Variants in MECOM observed in about 807,000 individuals in gnomAD.
The protein encoded by MECOM is MDS1 and EVI1 complex locus.
A neutral mutation model predicts 116.3 loss-of-function variants in MECOM; 13 were observed. That is an observed-to-expected ratio of 0.11 (90% CI 0.07 to 0.18). The LOEUF (loss-of-function observed/expected upper bound fraction) is 0.18, where lower values mean the gene tolerates loss of function less well. MECOM is among the 10% of genes least tolerant of loss of function. The pLI is 1.00. For missense variants in MECOM, 1,299 were observed against 1,509.0 expected (o/e 0.86, Z 2.31); for synonymous variants, 528 against 535.2 (o/e 0.99, Z 0.19).
chr3:169,092,077 G>A (rs1447531024), intron 14 of MECOM, among the ~76,000 whole-genome samples: 1 of 152,004 alleles, frequency 6.6e-6, no homozygotes, highest in Non-Finnish European at 1.5e-5. Flanking sequence ...AGTAGTTTTG[G>A]TGAAATAGTG....
At chr3:169,585,321 G>T (rs937463320) in intron 1 of MECOM, among the ~76,000 whole-genome samples, 1 of 152,150 alleles carries the variant, frequency 6.6e-6, no homozygotes, top group Non-Finnish European at 1.5e-5. Context: ...CTGAATCGAA[G>T]ATTTAAGGAT....
chr3:169,120,967 A>G (rs1730837017), intron 7 of MECOM, 89 bp downstream of exon 7: 4 of 1,399,864 alleles, frequency 2.9e-6, no homozygotes, highest in Non-Finnish European at 3.9e-6. Flanking sequence ...GTGACCCTCT[A>G]AAGGCCATGT....
intron 10 of MECOM, among the ~76,000 whole-genome samples, chr3:169,107,241 C>T (rs1725733532): frequency 6.6e-6 from 1 of 151,990 alleles, no homozygotes; most frequent in Admixed American, 6.6e-5. Context: ...TTCCACTGAC[C>T]AGGTTTTATT....
chr3:169,118,394 G>A (rs1729872081), intron 7 of MECOM, among the ~76,000 whole-genome samples: 1 of 151,914 alleles, frequency 6.6e-6, no homozygotes, highest in African/African-American at 2.4e-5. Context: ...AGAATATATC[G>A]ACCAGAGTCA....
chr3:169,180,541 C>T (rs535572497), intron 2 of MECOM, among the ~76,000 whole-genome samples: 1 of 152,030 alleles, frequency 6.6e-6, no homozygotes, highest in East Asian at 1.9e-4. Context: ...TGGCCCTTTC[C>T]TTGATCACCT....
At chr3:169,653,338 C>G (rs1423431473) in intron 1 of MECOM, among the ~76,000 whole-genome samples, 1 of 152,120 alleles carries the variant, frequency 6.6e-6, no homozygotes, top group Non-Finnish European at 1.5e-5. Context: ...GAAATGGGCT[C>G]TCCAGGAGTT....
intron 2 of MECOM, among the ~76,000 whole-genome samples, chr3:169,158,947 C>T (rs149557332): frequency 6.6e-6 from 1 of 152,100 alleles, no homozygotes; most frequent in African/African-American, 2.4e-5. Flanking sequence ...ATTCAACTCT[C>T]GAATCACCCG....
At chr3:169,481,931 T>G (rs967859982) in intron 1 of MECOM, among the ~76,000 whole-genome samples, 1 of 152,210 alleles carries the variant, frequency 6.6e-6, no homozygotes, top group African/African-American at 2.4e-5. Flanking sequence ...TTTCATTTGT[T>G]TCTTCTTTTT....
intron 2 of MECOM, among the ~76,000 whole-genome samples, chr3:169,321,924 CAG>C (rs1720934821): frequency 6.6e-6 from 1 of 152,196 alleles, no homozygotes; most frequent in South Asian, 2.1e-4. Flanking sequence ...CTGAAGAACA[CAG>C]GGAGCCACCG....
At chr3:169,390,794 A>G (rs1734085611) in intron 1 of MECOM, among the ~76,000 whole-genome samples, 2 of 152,306 alleles carry the variant, frequency 1.3e-5, no homozygotes, top group Admixed American at 1.3e-4. Context: ...CTCAGGAGCT[A>G]CACGCTAAAG....
chr3:169,217,770 C>A (rs894849254), intron 2 of MECOM, among the ~76,000 whole-genome samples: 2 of 151,222 alleles, frequency 1.3e-5, no homozygotes, highest in Admixed American at 1.3e-4. Flanking sequence ...GGCAACAGAG[C>A]GAGACTCCAT....
chr3:169,147,999 C>A (rs544552163), intron 2 of MECOM, among the ~76,000 whole-genome samples: 26 of 152,096 alleles, frequency 1.7e-4, no homozygotes, highest in African/African-American at 5.8e-4. Flanking sequence ...ATGTACATTT[C>A]CAGTTTTCTG....
intron 1 of MECOM, among the ~76,000 whole-genome samples, chr3:169,413,843 C>G (rs891973461): frequency 2.2e-4 from 34 of 152,204 alleles, no homozygotes; most frequent in African/African-American, 6.0e-4. Flanking sequence ...CTAGATTCCT[C>G]CTCTCTGGGC....
chr3:169,384,850 C>G (rs76753253), intron 1 of MECOM, among the ~76,000 whole-genome samples: 3 of 152,028 alleles, frequency 2.0e-5, no homozygotes, highest in Admixed American at 2.0e-4. Flanking sequence ...AGCCTGTAAC[C>G]CTAGCACTTT....
chr3:169,659,353 G>T (rs1193742727), intron 1 of MECOM, among the ~76,000 whole-genome samples: 5 of 148,546 alleles, frequency 3.4e-5, no homozygotes, highest in South Asian at 2.1e-4. Context: ...TAGCCTTTCT[G>T]CCTCTACAGC....
At chr3:169,388,999 G>A (rs1475996886) in intron 1 of MECOM, among the ~76,000 whole-genome samples, 1 of 152,188 alleles carries the variant, frequency 6.6e-6, no homozygotes, top group Non-Finnish European at 1.5e-5. Flanking sequence ...GATACGGATG[G>A]AAAATAAGGG....
intron 1 of MECOM, among the ~76,000 whole-genome samples, chr3:169,658,949 C>T (rs748488500): frequency 3.3e-5 from 5 of 152,104 alleles, no homozygotes; most frequent in Non-Finnish European, 5.9e-5. Context: ...GGCGTCCCCC[C>T]TTCCTGCCCC....
intron 1 of MECOM, among the ~76,000 whole-genome samples, chr3:169,538,922 T>C (rs1470935952): frequency 6.6e-6 from 1 of 152,084 alleles, no homozygotes; most frequent in Non-Finnish European, 1.5e-5. Context: ...ACTCCTCCTT[T>C]GAAAGTCCTA....
At chr3:169,287,878 A>G (rs948594318) in intron 2 of MECOM, among the ~76,000 whole-genome samples, 3 of 152,206 alleles carry the variant, frequency 2.0e-5, no homozygotes, top group Non-Finnish European at 1.5e-5. Flanking sequence ...TGAATCCCAT[A>G]CGACAATATG....
Sources: allele counts gnomAD v4.1 joint callset (sites outside exome capture counted in the v4.1 genomes callset), GRCh38; gene constraint gnomAD v4.1.1; transcripts MANE v1.5; gene names NCBI Gene and HGNC (gene_info 2026-07-23, HGNC 2026-07-21).